KIF1A: variants seen among roughly 807,000 people sequenced by gnomAD.
The protein encoded by KIF1A is kinesin-like protein KIF1A.
In KIF1A, 46 loss-of-function variants were observed where a neutral mutation model predicts 227.3. The ratio of observed to expected loss-of-function variants is 0.20; its 90% confidence interval spans 0.16 to 0.26. The LOEUF is 0.26. KIF1A is among the 10% of genes least tolerant of loss of function. The pLI is 1.00. For missense variants in KIF1A, 1,683 were observed against 2,485.9 expected, an observed-to-expected ratio of 0.68 and a Z score of 6.87; for synonymous variants, 1,022 against 1,012.8, an observed-to-expected ratio of 1.01 and a Z score of -0.17.
chr2:240,760,528 T>A (rs948469366), intron 25 of KIF1A, 137 bp downstream of exon 25: 5 of 581,916 alleles, frequency 8.6e-6, no homozygotes, highest in Non-Finnish European at 1.4e-5. Context: ...TCTTCTGATT[T>A]TAAAATAATT....
intron 34 of KIF1A, among the ~76,000 whole-genome samples, chr2:240,742,130 C>G (rs2048047904): frequency 1.3e-5 from 2 of 152,204 alleles, no homozygotes; most frequent in African/African-American, 2.4e-5. Context: ...CCCACAGTGT[C>G]CTCAGCCCGC....
intron 1 of KIF1A, among the ~76,000 whole-genome samples, chr2:240,819,373 G>C (rs544779689): frequency 6.6e-6 from 1 of 152,124 alleles, no homozygotes; most frequent in African/African-American, 2.4e-5. Context: ...TGGCTGCTGA[G>C]ACGCAGGCAG....
rs1454271542 is a variant in KIF1A, at chr2:240,766,749, T to TCTCTCACA, written c.1684+165_1684+166insTGTGAGAG. 0.015 allele frequency among the ~76,000 whole-genome samples: 1,686 copies of TCTCTCACA among 108,938 alleles called. 79 individuals are homozygous for TCTCTCACA. Among genetic ancestry groups the TCTCTCACA allele is most frequent in the African/African-American group, 0.066 (1,593 of 24,086 alleles). The allele number at this position is 108,938 out of a possible 152,430, so 71.5% of individuals were successfully genotyped here. A position where few individuals can be genotyped will look rare whatever the true frequency, so the allele number is the denominator to read the frequency against. On this transcript the variant is annotated intron_variant, in intron 19 of 48. Coordinates refer to ENST00000498729, the MANE Select transcript of KIF1A (RefSeq NM_001244008.2). This position sits in a 1 kb window ranked among gnomAD's most constrained non-coding sequence, Gnocchi z 5.0. ...CTCTCTCTCTCTCTCTCTCTCTCTCTCACACACACACACACACACACACAC... is the reference window on the plus strand; with the variant it reads ...CTCTCTCTCTCTCTCTCTCTCTCTCTCTCTCACACACACACACACACACACACACACAC...
chr2:240,721,171 G>C (rs1045624439), intron 44 of KIF1A, 133 bp from the exon 45 acceptor site: 22 of 1,247,262 alleles, frequency 1.8e-5, no homozygotes, highest in Middle Eastern at 5.5e-4. Context: ...CAGCAGCCTT[G>C]GCTCAAAGTT....
At chr2:240,741,040 C>T (rs1196568024) in intron 35 of KIF1A, among the ~76,000 whole-genome samples, 1 of 152,090 alleles carries the variant, frequency 6.6e-6, no homozygotes, top group African/African-American at 2.4e-5. Context: ...AATTCAGGTG[C>T]TTATCTGTCC....
At chr2:240,806,445 C>T (rs1559544800) in intron 1 of KIF1A, among the ~76,000 whole-genome samples, 1 of 152,198 alleles carries the variant, frequency 6.6e-6, no homozygotes, top group Non-Finnish European at 1.5e-5. Context: ...AGGGAGTCCT[C>T]TTGAGCCTCC....
chr2:240,721,752 G>A, intron 44 of KIF1A, 55 bp downstream of exon 44: 1 of 1,411,022 alleles, frequency 7.1e-7, no homozygotes, highest in South Asian at 1.2e-5. Context: ...AGGGACCACT[G>A]CCTATGGGAG....
chr2:240,796,241 C>T (rs565042806), intron 2 of KIF1A, among the ~76,000 whole-genome samples: 6 of 152,330 alleles, frequency 3.9e-5, no homozygotes, highest in African/African-American at 1.4e-4. Context: ...CAGCTCTGCG[C>T]AGCCTGAGGC....
chr2:240,723,905 TG>T, intron 41 of KIF1A, 69 bp downstream of exon 41: 2 of 1,289,712 alleles, frequency 1.6e-6, no homozygotes, highest in Non-Finnish European at 2.3e-6. Context: ...AGCTTCGCTG[TG>T]GTCACCCCAA....
At position 240,786,778 on chromosome 2, in the gene KIF1A, A is replaced by G. The variant is rs1350697320; in HGVS notation, c.430-265T>C. 5.2e-4 allele frequency among the ~76,000 whole-genome samples: 53 copies of G among 101,886 alleles called. 2 individuals are homozygous for G. The highest frequency in any genetic ancestry group is 1.5e-3 in the African/African-American group (35 of 22,848). The allele number at this position is 101,886 out of a possible 152,430, so 66.8% of individuals were successfully genotyped here. ...TGAGAGGGTAGGGGCCACCATCAGGACCCCTGAGTGAGGGGGTGGGGGCTG... is the reference window on the plus strand; with the variant it reads ...TGAGAGGGTAGGGGCCACCATCAGGGCCCCTGAGTGAGGGGGTGGGGGCTG... On this transcript the variant is annotated intron_variant, in intron 5 of 48. Coordinates refer to ENST00000498729, the MANE Select transcript of KIF1A (RefSeq NM_001244008.2).
At chr2:240,787,988 C>G (rs2055163392) in intron 4 of KIF1A, 63 bp downstream of exon 4, 1 of 1,482,200 alleles carries the variant, frequency 6.7e-7, no homozygotes, top group African/African-American at 1.4e-5. Context: ...GCCCGGAGCT[C>G]TCAGCCTCAG....
chr2:240,796,747 A>G (rs1193644423), intron 2 of KIF1A, among the ~76,000 whole-genome samples: 3 of 152,170 alleles, frequency 2.0e-5, no homozygotes, highest in African/African-American at 7.2e-5. Context: ...TCCCTGGGCC[A>G]GACAGAGGGC....
Position 240,752,905 on chromosome 2 carries a change from G to A in KIF1A, c.2859-2358C>T, listed in dbSNP as rs929234465. On this transcript the variant is annotated intron_variant, in intron 27 of 48. Coordinates refer to ENST00000498729, the MANE Select transcript of KIF1A (RefSeq NM_001244008.2). The surrounding 1 kb of genome is among the most constrained non-coding windows in gnomAD (Gnocchi z 6.4). ...GCACGGGGTTCCTGAATCCATTGGC[G>A]CAGCTCACAGGAAGGAGAGGCTAGA... 3.9e-5 allele frequency among the ~76,000 whole-genome samples: 6 copies of A among 152,158 alleles called. No individual in the cohort carries two copies. The highest frequency in any genetic ancestry group is 1.2e-4 in the African/African-American group (5 of 41,440).
chr2:240,717,086 G>A lies in KIF1A; in HGVS notation c.*278C>T, dbSNP rs1210279724. 3 of 440,160 alleles carry A rather than the reference G, an allele frequency of 6.8e-6. No individual in the cohort carries two copies. The highest frequency in any genetic ancestry group is 1.2e-5 in the Non-Finnish European group (3 of 248,018). The allele number at this position is 440,160 out of a possible 1,614,324, so 27.3% of individuals were successfully genotyped here. A position where few individuals can be genotyped will look rare whatever the true frequency, so the allele number is the denominator to read the frequency against. On this transcript the variant is annotated 3_prime_UTR_variant, in exon 49 of 49. Coordinates refer to ENST00000498729, the MANE Select transcript of KIF1A (RefSeq NM_001244008.2). ...TGCTTAAAAAAATATTAGAACGGCAGCAAGAACCCCCGTAACCTGTGCCCT... is the reference window on the plus strand; with the variant it reads ...TGCTTAAAAAAATATTAGAACGGCAACAAGAACCCCCGTAACCTGTGCCCT...
Position 240,812,886 on chromosome 2 carries a change from C to CGCCTTCACCTCGGGGATCT in KIF1A, c.-61+7235_-61+7236insAGATCCCCGAGGTGAAGGC, listed in dbSNP as rs2058008265. Among the ~76,000 whole-genome samples the CGCCTTCACCTCGGGGATCT allele has an allele frequency of 1.9e-4, 5 of 26,662 alleles. No homozygotes were observed. In the Admixed American group the frequency reaches 2.2e-3, roughly 12 times the overall value. The allele number at this position is 26,662 out of a possible 152,430, so 17.5% of individuals were successfully genotyped here. A position where few individuals can be genotyped will look rare whatever the true frequency, so the allele number is the denominator to read the frequency against. On this transcript the variant is annotated intron_variant, in intron 1 of 48. Transcript: ENST00000498729. ...GGGGATCAGCCTTCACTCGGGGATC[C>CGCCTTCACCTCGGGGATCT]GCCTTCACCTCGGGGATCCGCCTTC...
intron 1 of KIF1A, among the ~76,000 whole-genome samples, chr2:240,812,425 C>T (rs1400651824): frequency 6.6e-6 from 1 of 152,354 alleles, no homozygotes; most frequent in East Asian, 1.9e-4. Context: ...CAGGCATCCG[C>T]CTGGAGCCCA....
intron 14 of KIF1A, among the ~76,000 whole-genome samples, chr2:240,771,709 G>A (rs543101235): frequency 3.3e-5 from 5 of 152,156 alleles, no homozygotes; most frequent in Non-Finnish European, 7.4e-5. Flanking sequence ...GGGCCAGGCT[G>A]TGCTAACCTT....
chr2:240,768,100 G>A (rs766133682), intron 17 of KIF1A, among the ~76,000 whole-genome samples: 28 of 152,308 alleles, frequency 1.8e-4, no homozygotes, highest in Non-Finnish European at 2.9e-4. Flanking sequence ...TGCACGTCTC[G>A]TGATTCCCAA....
chr2:240,726,961 A>T lies in KIF1A; in HGVS notation c.4008-21T>A. 6.7e-7 allele frequency: 1 copy of T among 1,483,390 alleles called. No homozygotes were observed. The highest frequency in any genetic ancestry group is 9.3e-7 in the Non-Finnish European group (1 of 1,072,622). The allele number at this position is 1,483,390 out of a possible 1,614,324, so 91.9% of individuals were successfully genotyped here. A position where few individuals can be genotyped will look rare whatever the true frequency, so the allele number is the denominator to read the frequency against. On this transcript the variant is annotated intron_variant, in intron 38 of 48. Coordinates refer to ENST00000498729, the MANE Select transcript of KIF1A (RefSeq NM_001244008.2). The surrounding 1 kb of genome is among the most constrained non-coding windows in gnomAD (Gnocchi z 5.2). Reference sequence around the variant, plus strand: ...AGGTCCTGAAAGGAAGCAGAGACAAAGTAGAAGTTGATGGCGTGGGGGCTG... The same window carrying T: ...AGGTCCTGAAAGGAAGCAGAGACAATGTAGAAGTTGATGGCGTGGGGGCTG...
Sources: allele counts gnomAD v4.1 joint callset (sites outside exome capture counted in the v4.1 genomes callset), GRCh38; gene constraint gnomAD v4.1.1; non-coding constraint Gnocchi (gnomAD v3.1); transcripts MANE v1.5; gene names NCBI Gene and HGNC (gene_info 2026-07-23, HGNC 2026-07-21).